The following CAST variants were observed in gnomAD, a reference collection of about 807,000 sequenced individuals.
CAST encodes the protein calpastatin.
In CAST, 76 loss-of-function variants were observed where a neutral mutation model predicts 119.6. The observed-to-expected ratio is 0.64, with a 90% confidence interval of 0.53 to 0.77. The LOEUF is 0.77. CAST is among the 30% of genes least tolerant of loss of function. The pLI is 0.00. For synonymous variants in CAST, 319 were observed against 331.6 expected (o/e 0.96, Z 0.41); for missense variants, 953 against 946.5 (o/e 1.01, Z -0.09).
chr5:96,425,315 T>C, the CAST span, among the ~76,000 whole-genome samples: 2 of 152,228 alleles, frequency 1.3e-5, no homozygotes, highest in Admixed American at 6.5e-5. Context: ...ATCTTAAAGG[T>C]AGAATGGTTT....
intron 1 of CAST, among the ~76,000 whole-genome samples, chr5:96,566,228 G>A (rs1181575646): frequency 2.6e-5 from 4 of 152,182 alleles, no homozygotes; most frequent in Non-Finnish European, 4.4e-5. Context: ...CCTAATGAAC[G>A]TGAATTTCTG....
intron 1 of CAST, among the ~76,000 whole-genome samples, chr5:96,654,433 A>G (rs896285988): frequency 6.6e-6 from 1 of 152,156 alleles, no homozygotes; most frequent in African/African-American, 2.4e-5. Flanking sequence ...GGAGTACATA[A>G]TGAAAGCAAA....
At chr5:96,579,165 AG>A (rs1239623599) in intron 1 of CAST, among the ~76,000 whole-genome samples, 1 of 152,162 alleles carries the variant, frequency 6.6e-6, no homozygotes, top group Non-Finnish European at 1.5e-5. Flanking sequence ...CCAGTGGGGA[AG>A]GAGTCCTAGG....
At chr5:96,541,667 G>GT (rs2150179927) in intron 1 of CAST, among the ~76,000 whole-genome samples, 1 of 152,232 alleles carries the variant, frequency 6.6e-6, no homozygotes, top group East Asian at 1.9e-4. Flanking sequence ...GAGTTTTTAC[G>GT]TTTGTATAGT....
chr5:96,408,801 C>G, the CAST span, among the ~76,000 whole-genome samples: 2 of 152,240 alleles, frequency 1.3e-5, no homozygotes, highest in Admixed American at 1.3e-4. Flanking sequence ...GCCATTTGAA[C>G]TACTTGCACA....
At chr5:96,089,782 T>G in the CAST span, among the ~76,000 whole-genome samples, 1 of 152,262 alleles carries the variant, frequency 6.6e-6, no homozygotes, top group Admixed American at 6.5e-5. Context: ...TGCTTTTTTA[T>G]AAAGCTTAAA....
chr5:96,226,910 T>G, the CAST span, among the ~76,000 whole-genome samples: 1 of 152,186 alleles, frequency 6.6e-6, no homozygotes, highest in Non-Finnish European at 1.5e-5. Context: ...AAACAAGCAC[T>G]TTTGCATGGT....
chr5:96,768,117 T>C (rs1770713764), intron 29 of CAST, 118 bp downstream of exon 29: 2 of 742,086 alleles, frequency 2.7e-6, no homozygotes, highest in South Asian at 1.5e-5. Flanking sequence ...AGGGTCTTAC[T>C]CTATAGCCCA....
At chr5:96,322,870 G>A in the CAST span, among the ~76,000 whole-genome samples, 1 of 152,272 alleles carries the variant, frequency 6.6e-6, no homozygotes, top group African/African-American at 2.4e-5. Flanking sequence ...AGAAACCAGA[G>A]GTAGCTGCTT....
the CAST span, among the ~76,000 whole-genome samples, chr5:96,479,774 C>T: frequency 6.6e-6 from 1 of 152,004 alleles, no homozygotes; most frequent in Non-Finnish European, 1.5e-5. Flanking sequence ...AGATAATGTC[C>T]CTTGCCTCCA....
At chr5:96,581,714 C>T (rs261240) in intron 1 of CAST, among the ~76,000 whole-genome samples, 109,647 of 151,326 alleles carry the variant, frequency 0.72, 39,933 homozygotes, top group South Asian at 0.8. Flanking sequence ...CATGGTGAAA[C>T]CCCCGTCTCC....
chr5:96,105,636 G>C, the CAST span, among the ~76,000 whole-genome samples: 1 of 152,014 alleles, frequency 6.6e-6, no homozygotes, highest in Non-Finnish European at 1.5e-5. Context: ...ATTCGGTTTG[G>C]CAGTATTTTA....
At chr5:96,274,383 C>T in the CAST span, among the ~76,000 whole-genome samples, 3 of 151,734 alleles carry the variant, frequency 2.0e-5, no homozygotes, top group Non-Finnish European at 2.9e-5. Flanking sequence ...ATTACAGGCA[C>T]GAGCCACAGC....
chr5:96,101,216 A>G, the CAST span, among the ~76,000 whole-genome samples: 2,105 of 152,170 alleles, frequency 0.014, 25 homozygotes, highest in South Asian at 0.03. Flanking sequence ...CATTTGTTTT[A>G]TTTGTATTTT....
At chr5:96,265,608 A>G in the CAST span, among the ~76,000 whole-genome samples, 1 of 152,188 alleles carries the variant, frequency 6.6e-6, no homozygotes, top group Non-Finnish European at 1.5e-5. Context: ...TAATGAGGGA[A>G]GATCTTCTTT....
chr5:96,744,979 T>C (rs992146289), intron 16 of CAST, among the ~76,000 whole-genome samples: 1 of 152,204 alleles, frequency 6.6e-6, no homozygotes, highest in Non-Finnish European at 1.5e-5. Context: ...CTCTTTTTTT[T>C]CGATGCCTAC....
At chr5:95,963,432 T>G in the CAST span, among the ~76,000 whole-genome samples, 3 of 152,210 alleles carry the variant, frequency 2.0e-5, no homozygotes, top group Non-Finnish European at 4.4e-5. Context: ...AGGAAAACAG[T>G]TTGTAAATTG....
At chr5:96,327,720 G>A in the CAST span, among the ~76,000 whole-genome samples, 2 of 152,176 alleles carry the variant, frequency 1.3e-5, no homozygotes, top group Non-Finnish European at 2.9e-5. Context: ...TTCTAAGGTA[G>A]AGAAGACAAT....
At chr5:96,285,923 C>T in the CAST span, among the ~76,000 whole-genome samples, 10 of 152,342 alleles carry the variant, frequency 6.6e-5, no homozygotes, top group East Asian at 1.9e-3. Context: ...GAATGTGCCT[C>T]TAAATGGAAG....
Sources: allele counts gnomAD v4.1 joint callset (sites outside exome capture counted in the v4.1 genomes callset), GRCh38; gene constraint gnomAD v4.1.1; transcripts MANE v1.5; gene names NCBI Gene and HGNC (gene_info 2026-07-23, HGNC 2026-07-21).